SPMIP2: variants seen among roughly 807,000 people sequenced by gnomAD.
The protein encoded by SPMIP2 is protein SPMIP2.
chr4:158,903,542 C>T, the SPMIP2 span, among the ~76,000 whole-genome samples: 1 of 152,126 alleles, frequency 6.6e-6, no homozygotes, highest in Non-Finnish European at 1.5e-5. Context: ...CTTTTATTCC[C>T]CTTTGCACTC....
At chr4:158,917,320 G>C in the SPMIP2 span, among the ~76,000 whole-genome samples, 1 of 149,374 alleles carries the variant, frequency 6.7e-6, no homozygotes, top group African/African-American at 2.5e-5. Context: ...CCAGCTACTC[G>C]GGAGGCCAAG....
chr4:158,990,660 T>G, the SPMIP2 span, among the ~76,000 whole-genome samples: 1 of 152,140 alleles, frequency 6.6e-6, no homozygotes, highest in Non-Finnish European at 1.5e-5. Flanking sequence ...CGCCATGTTC[T>G]CACTCATAAG....
chr4:159,026,992 TAGC>T, the SPMIP2 span, among the ~76,000 whole-genome samples: 1 of 151,754 alleles, frequency 6.6e-6, no homozygotes, highest in Non-Finnish European at 1.5e-5. Flanking sequence ...TTCAAAGGGA[TAGC>T]AGCAACTGAT....
At chr4:159,076,242 C>A in the SPMIP2 span, among the ~76,000 whole-genome samples, 7 of 152,302 alleles carry the variant, frequency 4.6e-5, no homozygotes, top group Admixed American at 6.5e-5. Context: ...CTAACACTTT[C>A]ACTGATGGCT....
At chr4:158,963,592 G>A in the SPMIP2 span, among the ~76,000 whole-genome samples, 4 of 152,288 alleles carry the variant, frequency 2.6e-5, no homozygotes, top group East Asian at 7.7e-4. Flanking sequence ...CAGCCAGTAG[G>A]CAGAATTCTA....
At chr4:159,028,387 G>A in the SPMIP2 span, among the ~76,000 whole-genome samples, 4 of 152,082 alleles carry the variant, frequency 2.6e-5, no homozygotes, top group Admixed American at 2.6e-4. Flanking sequence ...CTGGAGTGCA[G>A]TAGTGTGATC....
the SPMIP2 span, among the ~76,000 whole-genome samples, chr4:158,930,568 T>C: frequency 6.6e-6 from 1 of 151,790 alleles, no homozygotes; most frequent in Non-Finnish European, 1.5e-5. Context: ...CAGAGCTCAC[T>C]GCAGCTTTGA....
the SPMIP2 span, among the ~76,000 whole-genome samples, chr4:158,922,555 A>G: frequency 6.6e-6 from 1 of 152,200 alleles, no homozygotes; most frequent in Non-Finnish European, 1.5e-5. Flanking sequence ...AGATTGTTAG[A>G]TCATATCATT....
chr4:158,924,793 T>C, the SPMIP2 span, among the ~76,000 whole-genome samples: 1 of 151,348 alleles, frequency 6.6e-6, no homozygotes, highest in Non-Finnish European at 1.5e-5. Context: ...TCCAGGCATG[T>C]ACCACCATGC....
At chr4:158,932,136 T>C in the SPMIP2 span, among the ~76,000 whole-genome samples, 1 of 152,096 alleles carries the variant, frequency 6.6e-6, no homozygotes, top group Non-Finnish European at 1.5e-5. Flanking sequence ...TTTGTTTTTC[T>C]TTGCGTAAAT....
At chr4:158,940,359 A>G in the SPMIP2 span, among the ~76,000 whole-genome samples, 2 of 152,166 alleles carry the variant, frequency 1.3e-5, no homozygotes, top group Admixed American at 6.5e-5. Context: ...TTCGAAATTC[A>G]CCATATGAAC....
chr4:159,024,013 C>T, the SPMIP2 span, among the ~76,000 whole-genome samples: 3 of 152,278 alleles, frequency 2.0e-5, no homozygotes, highest in African/African-American at 7.2e-5. Context: ...AGCTTGGAAA[C>T]GAAGTAGCTG....
the SPMIP2 span, among the ~76,000 whole-genome samples, chr4:158,939,873 A>T: frequency 6.6e-6 from 1 of 152,128 alleles, no homozygotes; most frequent in Non-Finnish European, 1.5e-5. Flanking sequence ...TTTATTCTAT[A>T]AAATTTTTCA....
At chr4:158,945,157 T>A in the SPMIP2 span, among the ~76,000 whole-genome samples, 13 of 152,314 alleles carry the variant, frequency 8.5e-5, no homozygotes, top group East Asian at 2.5e-3. Flanking sequence ...TTTGAACATT[T>A]GTTACTGAGG....
the SPMIP2 span, among the ~76,000 whole-genome samples, chr4:158,941,841 G>C: frequency 6.6e-6 from 1 of 152,180 alleles, no homozygotes; most frequent in Non-Finnish European, 1.5e-5. Flanking sequence ...GGTGGAACCA[G>C]CATTGCTCTA....
the SPMIP2 span, among the ~76,000 whole-genome samples, chr4:158,927,243 CTTCT>C: frequency 6.6e-6 from 1 of 152,116 alleles, no homozygotes; most frequent in Non-Finnish European, 1.5e-5. Context: ...TAAAAATGCT[CTTCT>C]TTATCTCTGT....
At chr4:158,916,236 C>T in the SPMIP2 span, among the ~76,000 whole-genome samples, 4 of 152,094 alleles carry the variant, frequency 2.6e-5, no homozygotes, top group African/African-American at 7.2e-5. Context: ...AGCTTATATA[C>T]CTGTGGGGGA....
At chr4:159,052,562 A>G in the SPMIP2 span, among the ~76,000 whole-genome samples, 1 of 152,182 alleles carries the variant, frequency 6.6e-6, no homozygotes. Context: ...TCTCTTCCGT[A>G]GATGGGGTAG....
chr4:158,912,544 T>C, the SPMIP2 span, among the ~76,000 whole-genome samples: 21 of 152,326 alleles, frequency 1.4e-4, no homozygotes, highest in African/African-American at 4.3e-4. Flanking sequence ...GCATCTCAAG[T>C]AAGAATAGTA....
Sources: gnomAD v4.1 joint callset for allele counts (sites outside exome capture counted in the v4.1 genomes callset) on GRCh38, gnomAD v4.1.1 for gene constraint, MANE v1.5 for transcripts, NCBI Gene and HGNC (gene_info 2026-07-23, HGNC 2026-07-21) for gene names.